CSGALNACT1: variants seen among roughly 807,000 people sequenced by gnomAD.
CSGALNACT1 encodes beta4GalNAcT-1.
In CSGALNACT1, 52 loss-of-function variants were observed where a neutral mutation model predicts 51.0. That is an observed-to-expected ratio of 1.02 (90% CI 0.82 to 1.29). The LOEUF (loss-of-function observed/expected upper bound fraction) is 1.29. CSGALNACT1 is among the 50% of genes most tolerant of loss of function. The pLI, the probability that CSGALNACT1 is intolerant of heterozygous loss-of-function variation, is 0.00. For synonymous variants in CSGALNACT1, 341 were observed against 254.4 expected, an observed-to-expected ratio of 1.34 and a Z score of -3.24; for missense variants, 935 against 679.2, an observed-to-expected ratio of 1.38 and a Z score of -4.19.
rs566292053 is a variant in CSGALNACT1 at position 19,616,537 on chromosome 8, T to G, written c.-543-14672A>C. Among the ~76,000 whole-genome samples the G allele has an allele frequency of 1.8e-3, 274 of 152,304 alleles. 1 individual carries two copies. The highest frequency in any genetic ancestry group is 1.4e-3 in the Non-Finnish European group (94 of 68,022). On this transcript the variant is annotated intron_variant, in intron 1 of 9. Transcript: ENST00000332246. ...TGCGCCCCCAAATCTCATGTTGAAA[T>G]GTAATCTGCAATGTTGGAGGTGGGG...
intron 1 of CSGALNACT1, among the ~76,000 whole-genome samples, chr8:19,728,547 A>C (rs2063525044): frequency 6.8e-6 from 1 of 146,594 alleles, no homozygotes; most frequent in South Asian, 2.2e-4. Context: ...TCAGACTTAT[A>C]ATCCTATTTG....
At chr8:19,729,068 C>A (rs1259665657) in intron 1 of CSGALNACT1, among the ~76,000 whole-genome samples, 1 of 151,540 alleles carries the variant, frequency 6.6e-6, no homozygotes, top group Admixed American at 6.6e-5. Flanking sequence ...CAAAATATTC[C>A]GTGGATAAGT....
At chr8:19,510,075 C>T (rs542288473) in intron 3 of CSGALNACT1, among the ~76,000 whole-genome samples, 1 of 152,168 alleles carries the variant, frequency 6.6e-6, no homozygotes, top group African/African-American at 2.4e-5. Context: ...GTAGAAAATC[C>T]TTATGCTCAT....
chr8:19,491,197 T>G (rs1279708247), intron 4 of CSGALNACT1, among the ~76,000 whole-genome samples: 1 of 152,214 alleles, frequency 6.6e-6, no homozygotes, highest in Non-Finnish European at 1.5e-5. Flanking sequence ...ATGATAGCCT[T>G]TGTCCTATGT....
intron 1 of CSGALNACT1, among the ~76,000 whole-genome samples, chr8:19,718,760 G>C (rs1589677639): frequency 1.3e-5 from 2 of 152,130 alleles, no homozygotes; most frequent in East Asian, 1.9e-4. Context: ...ACAAAGCTCT[G>C]CTCTGGCCAA....
intron 1 of CSGALNACT1, among the ~76,000 whole-genome samples, chr8:19,649,271 T>G (rs911572824): frequency 6.6e-6 from 1 of 152,184 alleles, no homozygotes; most frequent in Non-Finnish European, 1.5e-5. Context: ...CCTCCTAGTG[T>G]AGATATTAGC....
chr8:19,545,113 G>A (rs62493892), intron 3 of CSGALNACT1, among the ~76,000 whole-genome samples: 30,272 of 151,870 alleles, frequency 0.2, 3,158 homozygotes, highest in African/African-American at 0.28. Context: ...TGTCACCCTG[G>A]AAGCTAGAAA....
chr8:19,486,331 C>T (rs900123853), intron 4 of CSGALNACT1, among the ~76,000 whole-genome samples: 8 of 152,248 alleles, frequency 5.3e-5, no homozygotes, highest in African/African-American at 1.9e-4. Flanking sequence ...GGTCTCTGAG[C>T]TTCTGCCCTA....
chr8:19,418,220 A>C (rs1242697503), intron 8 of CSGALNACT1, among the ~76,000 whole-genome samples: 1 of 152,154 alleles, frequency 6.6e-6, no homozygotes, highest in Non-Finnish European at 1.5e-5. Context: ...CAAATTCACA[A>C]AGACCTTATT....
At chr8:19,662,862 G>A (rs151149280) in intron 1 of CSGALNACT1, among the ~76,000 whole-genome samples, 3 of 152,116 alleles carry the variant, frequency 2.0e-5, no homozygotes, top group Non-Finnish European at 4.4e-5. Flanking sequence ...CATTCAGGAG[G>A]TCATGCCACA....
chr8:19,731,368 C>T (rs2063683146), intron 1 of CSGALNACT1, among the ~76,000 whole-genome samples: 2 of 152,124 alleles, frequency 1.3e-5, no homozygotes, highest in East Asian at 1.9e-4. Flanking sequence ...ATTAGGCAGG[C>T]GTGGTGGCCC....
intron 8 of CSGALNACT1, 144 bp from the exon 8 acceptor site, chr8:19,408,838 G>C: frequency 1.3e-6 from 1 of 744,862 alleles, no homozygotes; most frequent in Non-Finnish European, 2.4e-6. Context: ...AACGCAGATG[G>C]ATTTGAGTCC....
At chr8:19,424,986 A>C (rs553760404) in intron 6 of CSGALNACT1, among the ~76,000 whole-genome samples, 12 of 152,312 alleles carry the variant, frequency 7.9e-5, no homozygotes, top group African/African-American at 2.9e-4. Flanking sequence ...AGAAAAATAG[A>C]ATCTCAGGAC....
At chr8:19,678,564 G>C (rs1371663333) in intron 1 of CSGALNACT1, 3 of 152,210 alleles carry the variant, frequency 2.0e-5, no homozygotes, top group Non-Finnish European at 2.9e-5. Context: ...TCATTAAGCA[G>C]AGAAGAAAGT....
At chr8:19,608,316 A>G (rs1318380416) in intron 1 of CSGALNACT1, among the ~76,000 whole-genome samples, 1 of 152,162 alleles carries the variant, frequency 6.6e-6, no homozygotes, top group Non-Finnish European at 1.5e-5. Context: ...ACCTACTCCA[A>G]CACAACAATG....
In CSGALNACT1 at chr8:19,651,914, TG is replaced by T. The variant is rs1564351982; in HGVS notation, c.-544+30558del. On this transcript the variant is annotated intron_variant, in intron 1 of 9. Transcript: ENST00000332246. ...TCCTTTTCTCTACAACCTCGCTGTC[TG>T]TTTTTTTTTGTTTTGTTTTGTTTTG... Among the ~76,000 whole-genome samples the T allele has an allele frequency of 1.1e-3, 116 of 103,322 alleles. 2 individuals carry two copies. The highest frequency in any genetic ancestry group is 3.4e-3 in the East Asian group (14 of 4,146). The allele number at this position is 103,322 out of a possible 152,430, so 67.8% of individuals were successfully genotyped here. A position where few individuals can be genotyped will look rare whatever the true frequency, so the allele number is the denominator to read the frequency against.
intron 1 of CSGALNACT1, among the ~76,000 whole-genome samples, chr8:19,667,012 AAAGAAAGGAAGGAAGGAAGGAAGGAAGG>A (rs2059380121): frequency 3.5e-4 from 12 of 34,392 alleles, no homozygotes; most frequent in African/African-American, 1.2e-3. Flanking sequence ...AGAAAGAAAG[AAAGAAAGGAAGGAAGGAAGGAAGGAAGG>A]AAGAAAGAAA....
At chr8:19,748,403 C>T (rs935191764) in intron 1 of CSGALNACT1, among the ~76,000 whole-genome samples, 1 of 152,068 alleles carries the variant, frequency 6.6e-6, no homozygotes, top group Non-Finnish European at 1.5e-5. Flanking sequence ...TAATCTAGAA[C>T]TTACACATTT....
intron 3 of CSGALNACT1, among the ~76,000 whole-genome samples, chr8:19,564,601 T>C (rs1477139319): frequency 2.0e-5 from 3 of 152,078 alleles, no homozygotes; most frequent in African/African-American, 7.2e-5. Context: ...AGAGCGGCCC[T>C]ATATGCTTAT....
Sources: gnomAD v4.1 joint callset for allele counts (sites outside exome capture counted in the v4.1 genomes callset) on GRCh38, gnomAD v4.1.1 for gene constraint, MANE v1.5 for transcripts, NCBI Gene and HGNC (gene_info 2026-07-23, HGNC 2026-07-21) for gene names.